The following PARN variants were observed in gnomAD, a reference collection of about 807,000 sequenced individuals.
PARN encodes poly(A)-specific ribonuclease PARN.
A neutral mutation model predicts 102.8 loss-of-function variants in PARN; 71 were observed. The observed-to-expected ratio is 0.69, with a 90% CI of 0.57 to 0.84. The LOEUF is 0.84. PARN is among the 40% of genes least tolerant of loss of function. The pLI, the probability that PARN is intolerant of heterozygous loss-of-function variation, is 0.00. For missense variants in PARN, 782 were observed against 760.9 expected (o/e 1.03, Z -0.33); for synonymous variants, 261 against 252.9 (o/e 1.03, Z -0.30).
intron 21 of PARN, among the ~76,000 whole-genome samples, chr16:14,489,126 G>C (rs961177814): frequency 6.6e-6 from 1 of 152,040 alleles, no homozygotes; most frequent in African/African-American, 2.4e-5. Flanking sequence ...GTATGAGAGG[G>C]AGAACAAAAA....
intron 21 of PARN, among the ~76,000 whole-genome samples, chr16:14,491,969 G>A (rs1964081357): frequency 1.3e-5 from 2 of 152,336 alleles, no homozygotes; most frequent in South Asian, 4.1e-4. Flanking sequence ...GAAACTGGAG[G>A]CCCTGGCTCT....
At chr16:14,625,399 A>G (rs772058782) in intron 5 of PARN, among the ~76,000 whole-genome samples, 32 of 152,178 alleles carry the variant, frequency 2.1e-4, no homozygotes, top group Non-Finnish European at 3.8e-4. Context: ...CGGGAGGCTG[A>G]GGCAGGAGAA....
At chr16:14,438,032 G>A (rs145055455) in intron 23 of PARN, among the ~76,000 whole-genome samples, 185 of 152,258 alleles carry the variant, frequency 1.2e-3, no homozygotes, top group African/African-American at 4.3e-3. Context: ...GGGTCTCATC[G>A]CTCTGAACAG....
chr16:14,450,096 G>A (rs1169248616), intron 22 of PARN, among the ~76,000 whole-genome samples: 1 of 152,218 alleles, frequency 6.6e-6, no homozygotes, highest in Non-Finnish European at 1.5e-5. Context: ...ATACGCAACA[G>A]TACATACAAT....
intron 10 of PARN, among the ~76,000 whole-genome samples, chr16:14,605,910 T>C (rs542198989): frequency 6.6e-6 from 1 of 152,318 alleles, no homozygotes; most frequent in Non-Finnish European, 1.5e-5. Context: ...AACTAATATT[T>C]GTATACTTTC....
At chr16:14,484,525 CT>C (rs1252160632) in intron 21 of PARN, among the ~76,000 whole-genome samples, 1 of 152,160 alleles carries the variant, frequency 6.6e-6, no homozygotes, top group African/African-American at 2.4e-5. Context: ...TAGAAAACCC[CT>C]GGATATGGAA....
intron 6 of PARN, among the ~76,000 whole-genome samples, chr16:14,615,014 C>G (rs938646476): frequency 6.6e-6 from 1 of 151,932 alleles, no homozygotes; most frequent in Non-Finnish European, 1.5e-5. Context: ...GGGAAACTAA[C>G]AAGGAGTCAC....
At chr16:14,569,083 G>C (rs1239067469) in intron 18 of PARN, among the ~76,000 whole-genome samples, 1 of 151,550 alleles carries the variant, frequency 6.6e-6, no homozygotes, top group African/African-American at 2.4e-5. Flanking sequence ...ATGGTGGCTT[G>C]AGCCTGTAAT....
chr16:14,622,175 AGAGT>A (rs1220001716), intron 5 of PARN, among the ~76,000 whole-genome samples: 1 of 152,214 alleles, frequency 6.6e-6, no homozygotes, highest in Non-Finnish European at 1.5e-5. Flanking sequence ...CCTGGGTGAC[AGAGT>A]GAGACTCCGT....
At chr16:14,622,598 G>A (rs1031184717) in intron 5 of PARN, among the ~76,000 whole-genome samples, 1 of 152,214 alleles carries the variant, frequency 6.6e-6, no homozygotes, top group Admixed American at 6.5e-5. Context: ...TCTGCCTCTC[G>A]GGTTCACACC....
At chr16:14,617,139 T>C (rs1024589029) in intron 6 of PARN, among the ~76,000 whole-genome samples, 13 of 150,354 alleles carry the variant, frequency 8.6e-5, no homozygotes, top group African/African-American at 1.7e-4. Context: ...AATCCCAGCA[T>C]TTTTGGAGGC....
intron 23 of PARN, among the ~76,000 whole-genome samples, chr16:14,440,705 A>G (rs1239736930): frequency 1.3e-5 from 2 of 152,246 alleles, no homozygotes; most frequent in Non-Finnish European, 2.9e-5. Flanking sequence ...GCACCACCAC[A>G]AATCACAAAT....
intron 10 of PARN, 99 bp downstream of exon 10, chr16:14,606,385 A>G: frequency 1.7e-6 from 1 of 601,594 alleles, no homozygotes; most frequent in Non-Finnish European, 2.8e-6. Flanking sequence ...TAATCAGAGA[A>G]AGACCCTGAG....
chr16:14,599,677 T>C (rs1389919577), intron 12 of PARN, among the ~76,000 whole-genome samples: 1 of 152,194 alleles, frequency 6.6e-6, no homozygotes, highest in African/African-American at 2.4e-5. Flanking sequence ...AACCCTCCTA[T>C]GCATTTTTCA....
At chr16:14,592,987 G>T (rs2151766626) in intron 13 of PARN, among the ~76,000 whole-genome samples, 1 of 152,022 alleles carries the variant, frequency 6.6e-6, no homozygotes, top group African/African-American at 2.4e-5. Flanking sequence ...AATACAAAAA[G>T]TAGCTGGGCG....
At chr16:14,538,411 G>C (rs1966706655) in intron 21 of PARN, among the ~76,000 whole-genome samples, 1 of 151,476 alleles carries the variant, frequency 6.6e-6, no homozygotes, top group Non-Finnish European at 1.5e-5. Flanking sequence ...GTAGAGACAG[G>C]GTTTTGCCAT....
At position 14,529,474 on chromosome 16, in the gene PARN, G is replaced by C. The variant is rs1966199313; in HGVS notation, c.1480+22547C>G. Among the ~76,000 whole-genome samples, 3 of 152,258 alleles carry C rather than the reference G, an allele frequency of 2.0e-5. No homozygotes were observed. The South Asian group carries it at 6.2e-4, about 32-fold the overall frequency. On this transcript the variant is annotated intron_variant, in intron 21 of 23. Coordinates refer to ENST00000437198, the MANE Select transcript of PARN (RefSeq NM_002582.4). ...ATCAGTAATGGAATAGTAACTGTAG[G>C]TCACTACTGGCTACTGCTCCACTTC...
At chr16:14,555,545 C>T in intron 19 of PARN, 109 bp downstream of exon 19, 1 of 510,822 alleles carries the variant, frequency 2.0e-6, no homozygotes, top group Non-Finnish European at 3.5e-6. Context: ...AAAATCACAG[C>T]CCAATTTTGA....
At chr16:14,594,545 T>C (rs1306284276) in intron 12 of PARN, among the ~76,000 whole-genome samples, 1 of 152,134 alleles carries the variant, frequency 6.6e-6, no homozygotes, top group East Asian at 1.9e-4. Flanking sequence ...CAAAATCCTG[T>C]ATCTACTAAA....
Sources: allele counts gnomAD v4.1 joint callset (sites outside exome capture counted in the v4.1 genomes callset), GRCh38; gene constraint gnomAD v4.1.1; transcripts MANE v1.5; gene names NCBI Gene and HGNC (gene_info 2026-07-23, HGNC 2026-07-21).